Variants in TNFRSF8 observed in about 807,000 individuals in gnomAD.
TNFRSF8 encodes the protein TNF receptor superfamily member 8.
Under a neutral mutation model 70.8 loss-of-function variants are expected in TNFRSF8, and 26 were observed. The observed-to-expected ratio is 0.37, with a 90% CI of 0.27 to 0.51. The LOEUF (loss-of-function observed/expected upper bound fraction) is 0.51. Ranked by LOEUF, TNFRSF8 falls within the 20% of genes least tolerant of loss-of-function variation. The pLI, the probability that TNFRSF8 is intolerant of heterozygous loss-of-function variation, is 0.94. For missense variants in TNFRSF8, 720 were observed against 807.9 expected (o/e 0.89, Z 1.32); for synonymous variants, 356 against 339.2 (o/e 1.05, Z -0.54).
chr1:12,133,514 G>T (rs1238919414), intron 12 of TNFRSF8, among the ~76,000 whole-genome samples: 1 of 151,868 alleles, frequency 6.6e-6, no homozygotes, highest in African/African-American at 2.4e-5. Context: ...GGCCGAGGCG[G>T]GTGGATCACG....
At chr1:12,083,934 TG>T (rs1641108293) in intron 1 of TNFRSF8, among the ~76,000 whole-genome samples, 1 of 151,906 alleles carries the variant, frequency 6.6e-6, no homozygotes. Context: ...GAGGAGTGTG[TG>T]GGAGGGGGGA....
intron 14 of TNFRSF8, among the ~76,000 whole-genome samples, chr1:12,140,880 T>TC (rs1642239833): frequency 6.6e-6 from 1 of 150,636 alleles, no homozygotes; most frequent in Non-Finnish European, 1.5e-5. Context: ...TCCTGGGGTC[T>TC]CCTCTCTCAC....
intron 8 of TNFRSF8, among the ~76,000 whole-genome samples, chr1:12,121,610 C>T (rs1376530823): frequency 6.6e-6 from 1 of 152,190 alleles, no homozygotes; most frequent in Non-Finnish European, 1.5e-5. Flanking sequence ...GTAGCTCCAG[C>T]CCTGCGGCTC....
chr1:12,106,700 G>A (rs1641530097), intron 4 of TNFRSF8, among the ~76,000 whole-genome samples: 3 of 152,082 alleles, frequency 2.0e-5, no homozygotes, highest in Non-Finnish European at 4.4e-5. Context: ...CTCTGCTAAG[G>A]AATGATGGAG....
At chr1:12,072,894 C>T (rs979209743) in intron 1 of TNFRSF8, among the ~76,000 whole-genome samples, 7 of 152,160 alleles carry the variant, frequency 4.6e-5, no homozygotes, top group African/African-American at 1.2e-4. Context: ...GAGGCCAGGA[C>T]GCAGCGGCCA....
intron 2 of TNFRSF8, among the ~76,000 whole-genome samples, chr1:12,090,150 A>G (rs866652484): frequency 1.4e-5 from 2 of 143,058 alleles, no homozygotes; most frequent in Admixed American, 6.9e-5. Context: ...CCATCCATCT[A>G]TCTACCCATC....
At position 12,076,012 on chromosome 1, in the gene TNFRSF8, AC is replaced by A. The variant is rs540230370; in HGVS notation, c.64-8449del. 7.4e-3 allele frequency among the ~76,000 whole-genome samples: 1,129 copies of A among 151,580 alleles called. 12 individuals are homozygous for A. The highest frequency in any genetic ancestry group is 0.026 in the African/African-American group (1,087 of 41,294). ...GCCTGCGAAAAGCTCCCATCCCAGA[AC>A]CCTTAAATACCCTTAGTCCATAAAA... is the stretch of plus-strand genomic sequence containing the variant. On this transcript the variant is annotated intron_variant, in intron 1 of 14. Coordinates refer to ENST00000263932, the MANE Select transcript of TNFRSF8 (RefSeq NM_001243.5).
chr1:12,064,265 C>G (rs995847360), intron 1 of TNFRSF8, among the ~76,000 whole-genome samples: 3 of 152,082 alleles, frequency 2.0e-5, no homozygotes, highest in Non-Finnish European at 4.4e-5. Context: ...GGGCATTTGC[C>G]CCTGGAAGAA....
chr1:12,090,994 A>T (rs1641239781), intron 2 of TNFRSF8, among the ~76,000 whole-genome samples: 2 of 152,190 alleles, frequency 1.3e-5, no homozygotes, highest in Admixed American at 1.3e-4. Flanking sequence ...TGCCTTTATA[A>T]AAGGAAATTA....
chr1:12,073,355 A>G (rs762896418), intron 1 of TNFRSF8, among the ~76,000 whole-genome samples: 13 of 152,150 alleles, frequency 8.5e-5, no homozygotes, highest in African/African-American at 1.2e-4. Flanking sequence ...GGCACCTCCA[A>G]GAGGATCAGA....
Position 12,138,017 on chromosome 1 carries a change from G to A in TNFRSF8, c.1336-212G>A, listed in dbSNP as rs976860670. On this transcript the variant is annotated intron_variant, in intron 13 of 14. Transcript: ENST00000263932. This position sits in a 1 kb window ranked among gnomAD's most constrained non-coding sequence, Gnocchi z 5.7. The stretch of plus-strand genomic sequence containing the variant: ...GGACGTGGCGAGCACCCTGTGAGTC[G>A]CTGACTGTTACCCCTACTATTTAGT... Among the ~76,000 whole-genome samples, 1 of 152,192 alleles carries A rather than the reference G, an allele frequency of 6.6e-6. No individual in the cohort carries two copies. Among genetic ancestry groups the A allele is most frequent in the South Asian group, 2.1e-4 (1 of 4,812 alleles).
Position 12,087,165 on chromosome 1 carries a change from C to CTCT in TNFRSF8, c.151+2615_151+2616insCTT, listed in dbSNP as rs763570005. Among the ~76,000 whole-genome samples the CTCT allele has an allele frequency of 4.4e-4, 37 of 83,944 alleles. 1 individual carries two copies. Among genetic ancestry groups the CTCT allele is most frequent in the African/African-American group, 1.6e-3 (35 of 22,338 alleles). The allele number at this position is 83,944 out of a possible 152,430, so 55.1% of individuals were successfully genotyped here. On this transcript the variant is annotated intron_variant, in intron 2 of 14. Coordinates refer to ENST00000263932, the MANE Select transcript of TNFRSF8 (RefSeq NM_001243.5). ...CAAATTTTTATTTCTCTCTCTCTCT[C>CTCT]TTTTTTTTTTTTTTTTTTTTGAGAT...
chr1:12,130,684 G>A (rs685332), intron 12 of TNFRSF8, among the ~76,000 whole-genome samples: 101,499 of 152,202 alleles, frequency 0.67, 34,310 homozygotes, highest in Admixed American at 0.77. Flanking sequence ...CTCCGTGAGC[G>A]TGGGCTTCAG....
rs557756913 is a variant in TNFRSF8 at position 12,115,017 on chromosome 1, T to C, written c.794-560T>C. 1.9e-4 allele frequency among the ~76,000 whole-genome samples: 29 copies of C among 152,214 alleles called. No individual in the cohort carries two copies. The South Asian group carries it at 3.9e-3, about 21-fold the overall frequency. On this transcript the variant is annotated intron_variant, in intron 7 of 14. Transcript: ENST00000263932. ...CCACCGTGTCTGGCCAAAAAATCTT[T>C]TTATTATTAAAAATTTCAAACATAT...
intron 9 of TNFRSF8, 59 bp from the exon 10 acceptor site, chr1:12,123,647 AATTATTCCT>A: frequency 7.4e-7 from 1 of 1,349,428 alleles, no homozygotes; most frequent in East Asian, 2.5e-5. Context: ...AGAGAAAGGG[AATTATTCCT>A]GAAGACCCAC....
chr1:12,089,080 G>C lies in TNFRSF8; in HGVS notation c.151+4529G>C, dbSNP rs142110914. On this transcript the variant is annotated intron_variant, in intron 2 of 14. Coordinates refer to ENST00000263932, the MANE Select transcript of TNFRSF8 (RefSeq NM_001243.5). ...CTCCCTGACCCCAGCCTGGGCCACAGAGCGAGATTCTATCTCGAAAAAAAA... is the reference window on the plus strand; with the variant it reads ...CTCCCTGACCCCAGCCTGGGCCACACAGCGAGATTCTATCTCGAAAAAAAA... Among the ~76,000 whole-genome samples the C allele has an allele frequency of 3.3e-3, 502 of 152,144 alleles. 4 individuals carry two copies. The highest frequency in any genetic ancestry group is 0.011 in the African/African-American group (473 of 41,500).
chr1:12,119,027 G>T lies in TNFRSF8; in HGVS notation c.946+3298G>T, dbSNP rs1182032092. On this transcript the variant is annotated intron_variant, in intron 8 of 14. Transcript: ENST00000263932. The surrounding 1 kb of genome is among the most constrained non-coding windows in gnomAD (Gnocchi z 4.4). ...TTACAGGCACGCGCCACCACGCCTG[G>T]CTAATTTTTGTATTTTTAGTAGAGA... Among the ~76,000 whole-genome samples the T allele has an allele frequency of 1.3e-5, 2 of 152,142 alleles. No homozygotes were observed. The highest frequency in any genetic ancestry group is 4.8e-5 in the African/African-American group (2 of 41,430).
intron 2 of TNFRSF8, among the ~76,000 whole-genome samples, 166 bp downstream of exon 2, chr1:12,084,717 C>T (rs949952346): frequency 2.0e-5 from 3 of 150,782 alleles, no homozygotes; most frequent in African/African-American, 7.3e-5. Flanking sequence ...AGGACTCTCT[C>T]GGAAGGCTAG....
intron 2 of TNFRSF8, among the ~76,000 whole-genome samples, chr1:12,091,505 C>A (rs1289035827): frequency 6.6e-6 from 1 of 152,086 alleles, no homozygotes; most frequent in African/African-American, 2.4e-5. Flanking sequence ...CCTGGCAGAG[C>A]AGGCTCTGGG....
Sources: allele counts gnomAD v4.1 joint callset (sites outside exome capture counted in the v4.1 genomes callset), GRCh38; gene constraint gnomAD v4.1.1; non-coding constraint Gnocchi (gnomAD v3.1); transcripts MANE v1.5; gene names NCBI Gene and HGNC (gene_info 2026-07-23, HGNC 2026-07-21).